The following SERTAD3 variants were observed in gnomAD, a reference collection of about 807,000 sequenced individuals.
SERTAD3 encodes the protein SERTA domain-containing protein 3.
Under a neutral mutation model 11.9 loss-of-function variants are expected in SERTAD3, and 6 were observed. That is an observed-to-expected ratio of 0.50 (90% CI 0.28 to 0.99). SERTAD3 has a LOEUF of 0.99. SERTAD3 is among the 50% of genes least tolerant of loss of function. The probability of loss-of-function intolerance (pLI) is 0.11; values close to 1 mark genes in which losing one functional copy is unlikely to be tolerated. For synonymous variants in SERTAD3, 101 were observed against 98.9 expected (o/e 1.02, Z -0.13); for missense variants, 261 against 240.9 (o/e 1.08, Z -0.55).
chr19:40,442,757 G>GCTGC (rs1172524335), intron 1 of SERTAD3, among the ~76,000 whole-genome samples: 2 of 152,170 alleles, frequency 1.3e-5, no homozygotes, highest in African/African-American at 4.8e-5. Flanking sequence ...CCAGGGCTGA[G>GCTGC]TGCAGCAGCG....
At chr19:40,443,595 A>C (rs2079695492) in intron 1 of SERTAD3, 1 of 153,664 alleles carries the variant, frequency 6.5e-6, no homozygotes, top group Non-Finnish European at 1.5e-5. Flanking sequence ...AGATCCGAAC[A>C]CATCGCTCAA....
Position 40,440,972 on chromosome 19 carries a change from G to T in SERTAD3, c.*518C>A, listed in dbSNP as rs565094894. On this transcript the variant is annotated 3_prime_UTR_variant, in exon 2 of 2. Coordinates refer to ENST00000322354, the MANE Select transcript of SERTAD3 (RefSeq NM_203344.3). ...CAGTTTGGTTTCCACCCTATTGCAC[G>T]TGGTCCGGCCTGGTTATGAAATCAG... The T allele has an allele frequency of 6.6e-6, 1 of 151,818 alleles. No homozygotes were observed. The highest frequency in any genetic ancestry group is 1.5e-5 in the Non-Finnish European group (1 of 68,078). The allele number at this position is 151,818 out of a possible 1,614,324, so 9.4% of individuals were successfully genotyped here.
At chr19:40,442,913 A>G (rs1346823804) in intron 1 of SERTAD3, among the ~76,000 whole-genome samples, 1 of 152,022 alleles carries the variant, frequency 6.6e-6, no homozygotes. Context: ...CTGAGTGCCT[A>G]CTATATTCGA....
chr19:40,441,609 C>T lies in SERTAD3; in HGVS notation c.472G>A (p.Ala158Thr). 3 of 1,614,210 alleles carry T rather than the reference C, an allele frequency of 1.9e-6. No homozygotes were observed. Among genetic ancestry groups the T allele is most frequent in the Non-Finnish European group, 2.5e-6 (3 of 1,180,042 alleles). ...DDFFLDIDTS[A>T]VEKEPARAPP... ...GCCCGTGCAGGCTCCTTTTCTACCG[C>T]AGATGTGTCAATGTCCAGAAAGAAG... Residue 158 changes from alanine to threonine, a missense_variant, in exon 2 of 2, where the codon GCG becomes ACG. Physicochemically the swap from Ala to Thr is moderately conservative, Grantham distance 58. Coordinates refer to ENST00000322354, the MANE Select transcript of SERTAD3 (RefSeq NM_203344.3).
At chr19:40,443,072 C>T (rs2079690209) in intron 1 of SERTAD3, among the ~76,000 whole-genome samples, 1 of 151,836 alleles carries the variant, frequency 6.6e-6, no homozygotes, top group Admixed American at 6.6e-5. Context: ...CTTTCAGATT[C>T]CCCCAAAGCG....
Position 40,442,050 on chromosome 19 carries a change from C to T in SERTAD3, c.31G>A (p.Asp11Asn), listed in dbSNP as rs780263513. Residue 11 changes from aspartate to asparagine, a missense_variant, in exon 2 of 2, where the codon GAT (aspartate) becomes AAT (asparagine). Coordinates refer to ENST00000322354, the MANE Select transcript of SERTAD3 (RefSeq NM_203344.3). ...CACCTCTCCTCCTCCTCTTCCAAAT[C>T]AGAGTGTTTCCTCTTCAAGCCTCCC... MVGGLKRKHS[D>N]LEEEEERWEW... The T allele has an allele frequency of 2.0e-6, 3 of 1,499,200 alleles. No homozygotes were observed. Among genetic ancestry groups the T allele is most frequent in the Non-Finnish European group, 2.7e-6 (3 of 1,126,230 alleles). The allele number at this position is 1,499,200 out of a possible 1,614,324, so 92.9% of individuals were successfully genotyped here.
Position 40,442,002 on chromosome 19 carries a change from GA to G in SERTAD3, c.78del (p.Gln27ArgfsTer12). On this transcript the variant is annotated frameshift_variant, in exon 2 of 2. Coordinates refer to ENST00000322354, the MANE Select transcript of SERTAD3 (RefSeq NM_203344.3). LOFTEE classifies it high-confidence loss of function. ...CGGAGCAGGGCTTGCTGGTAGCTCT[GA>G]AGGCCTGCTGGACTCCACTCCCACC... ...EERWEWSPAG[L>X]QSYQQALLRI... The G allele has an allele frequency of 6.5e-7, 1 of 1,533,944 alleles. No individual in the cohort carries two copies. The highest frequency in any genetic ancestry group is 2.2e-5 in the Admixed American group (1 of 45,856).
intron 1 of SERTAD3, chr19:40,442,384 A>C (rs2079685669): frequency 3.6e-6 from 1 of 276,702 alleles, no homozygotes; most frequent in East Asian, 6.3e-5. Flanking sequence ...CTCATCTGCC[A>C]AGTACGGATC....
Position 40,441,844 on chromosome 19 carries a change from G to A in SERTAD3, c.237C>T (p.Pro79=), listed in dbSNP as rs35314597. Residue 79 remains proline, a synonymous_variant, in exon 2 of 2, where the codon CCC becomes CCT. Transcript: ENST00000322354. ...CCTCCTCGCCCAGGAAGAGGGGCTC[G>A]GGGGGCAGGGCAGGGGCGGGAGCCA... The part of the protein sequence containing the change: ...LRLAPAPALP[P]EPLFLGEEDF... 268,765 of 1,580,612 alleles carry A rather than the reference G, an allele frequency of 0.17. 23,841 individuals are homozygous for A. The highest frequency in any genetic ancestry group is 0.19 in the African/African-American group (13,931 of 74,060).
chr19:40,441,826 G>T lies in SERTAD3; in HGVS notation c.255C>A (p.Gly85=). 1 of 1,587,230 alleles carries T rather than the reference G, an allele frequency of 6.3e-7. No individual in the cohort carries two copies. Among genetic ancestry groups the T allele is most frequent in the Non-Finnish European group, 8.6e-7 (1 of 1,166,744 alleles). ...PALPPEPLFL[G]EEDFSLSATI... ...TGGCTGACAGGGAGAAATCCTCCTC[G>T]CCCAGGAAGAGGGGCTCGGGGGGCA... Residue 85 remains glycine, a synonymous_variant, in exon 2 of 2, where the codon GGC becomes GGA. Coordinates refer to ENST00000322354, the MANE Select transcript of SERTAD3 (RefSeq NM_203344.3).
At chr19:40,444,127 C>A (rs2079699114) in intron 1 of SERTAD3, 88 bp downstream of exon 1, 1 of 152,424 alleles carries the variant, frequency 6.6e-6, no homozygotes, top group Non-Finnish European at 1.5e-5. Context: ...CCCGGTCCCA[C>A]CCAGACCCCG....
chr19:40,443,158 G>T (rs1189394839), intron 1 of SERTAD3, among the ~76,000 whole-genome samples: 10 of 151,654 alleles, frequency 6.6e-5, no homozygotes, highest in Non-Finnish European at 1.5e-4. Flanking sequence ...CAATCAGACC[G>T]CGACACTGTA....
rs776537335 is a variant in SERTAD3, at chr19:40,441,516, T to G, written c.565A>C (p.Ile189Leu). ...TAGGACCCCAGAATGATTTCCATGA[T>G]GTGATCCAGTTCATTCCACTCCCAA... ...GSWEWNELDH[I>L]MEIILGS Residue 189 changes from isoleucine (I) to leucine (L), a missense_variant, in exon 2 of 2, where the codon ATC becomes CTC. Transcript: ENST00000322354. 6 of 1,611,086 alleles carry G rather than the reference T, an allele frequency of 3.7e-6. No individual in the cohort carries two copies. Among genetic ancestry groups the G allele is most frequent in the Non-Finnish European group, 5.1e-6 (6 of 1,179,078 alleles).
rs1246227791 is a variant in SERTAD3 at position 40,441,895 on chromosome 19, G to C, written c.186C>G (p.Leu62=). ...LRRHVLIHNT[L]QQLQAALRLA... ...GGCGAAGTGCAGCCTGCAGCTGTTG[G>C]AGGGTGTTATGGATGAGGACATGCC... The change falls in exon 2 of 2, where the codon CTC becomes CTG. Residue 62 remains leucine, a synonymous_variant. Transcript: ENST00000322354. 6.3e-7 allele frequency: 1 copy of C among 1,579,698 alleles called. No homozygotes were observed. The highest frequency in any genetic ancestry group is 1.4e-5 in the African/African-American group (1 of 74,010).
At position 40,441,905 on chromosome 19, in the gene SERTAD3, T is replaced by A; in HGVS notation, c.176A>T (p.His59Leu). ...APSLRRHVLI[H>L]NTLQQLQAAL... ...AGCCTGCAGCTGTTGGAGGGTGTTA[T>A]GGATGAGGACATGCCTGCGGAGGCT... Residue 59 changes from histidine (H) to leucine (L), a missense_variant, in exon 2 of 2, where the codon CAT becomes CTT. His to Leu is a moderately conservative substitution (Grantham distance 99). Coordinates refer to ENST00000322354, the MANE Select transcript of SERTAD3 (RefSeq NM_203344.3). 1 of 1,580,320 alleles carries A rather than the reference T, an allele frequency of 6.3e-7. No individual in the cohort carries two copies. Among genetic ancestry groups the A allele is most frequent in the Non-Finnish European group, 8.6e-7 (1 of 1,163,700 alleles).
intron 1 of SERTAD3, 117 bp from the exon 2 acceptor site, chr19:40,442,203 A>G: frequency 1.9e-6 from 1 of 526,164 alleles, no homozygotes; most frequent in Non-Finnish European, 3.0e-6. Context: ...TCGGAATCTC[A>G]GTTTACTGAT....
In SERTAD3 at chr19:40,441,138, C is replaced by T. The variant is rs192624391; in HGVS notation, c.*352G>A. On this transcript the variant is annotated 3_prime_UTR_variant, in exon 2 of 2. Transcript: ENST00000322354. ...CTGGCAGCACATCCCTGTCATCCTTCGACAGGCCCAGCTTTCTTTATCTTC... is the reference window on the plus strand; with the variant it reads ...CTGGCAGCACATCCCTGTCATCCTTTGACAGGCCCAGCTTTCTTTATCTTC... The T allele has an allele frequency of 6.3e-4, 111 of 175,594 alleles. No individual in the cohort carries two copies. The highest frequency in any genetic ancestry group is 1.0e-3 in the Non-Finnish European group (86 of 82,026). 10.9% of individuals were successfully genotyped at this position (175,594 alleles called of 1,614,324 possible).
In SERTAD3 at chr19:40,441,793, G is replaced by A. The variant is rs745368736; in HGVS notation, c.288C>T (p.Gly96=). 2.5e-6 allele frequency: 4 copies of A among 1,601,618 alleles called. No homozygotes were observed. Among genetic ancestry groups the A allele is most frequent in the Non-Finnish European group, 3.4e-6 (4 of 1,173,234 alleles). Residue 96 remains glycine, a synonymous_variant, in exon 2 of 2, where the codon GGC becomes GGT. Transcript: ENST00000322354. ...AGGTGTCCAGCTCCCTGAGGATAGA[G>A]CCAATGGTGGCTGACAGGGAGAAAT... The part of the protein sequence containing the change: ...EEDFSLSATI[G]SILRELDTSM...
At chr19:40,443,473 G>A (rs189252965) in intron 1 of SERTAD3, 5 of 153,506 alleles carry the variant, frequency 3.3e-5, no homozygotes, top group African/African-American at 1.2e-4. Context: ...TCCAGGCCCG[G>A]AACACCCCTC....
Sources: allele counts gnomAD v4.1 joint callset (sites outside exome capture counted in the v4.1 genomes callset), GRCh38; gene constraint gnomAD v4.1.1; transcripts MANE v1.5; gene names NCBI Gene and HGNC (gene_info 2026-07-23, HGNC 2026-07-21).